The following CERS3 variants were observed in gnomAD, a reference collection of about 807,000 sequenced individuals.
CERS3 encodes ceramide synthase 3, also known as LAG1 homolog, ceramide synthase 3.
Under a neutral mutation model 50.3 loss-of-function variants are expected in CERS3, and 33 were observed. The observed-to-expected ratio is 0.66, with a 90% CI of 0.50 to 0.88. The LOEUF (loss-of-function observed/expected upper bound fraction) is 0.88. CERS3 is among the 40% of genes least tolerant of loss of function. The pLI is 0.00. For missense variants in CERS3, 470 were observed against 460.3 expected, an observed-to-expected ratio of 1.02 and a Z score of -0.19; for synonymous variants, 176 against 155.2, an observed-to-expected ratio of 1.13 and a Z score of -0.99.
At chr15:100,484,446 G>A in intron 5 of CERS3, 104 bp downstream of exon 5, 2 of 780,550 alleles carry the variant, frequency 2.6e-6, no homozygotes, top group Non-Finnish European at 2.2e-6. Flanking sequence ...GACAGAGCTG[G>A]GTCTGAACCC....
chr15:100,501,720 G>A lies in CERS3; in HGVS notation c.130C>T (p.Pro44Ser), dbSNP rs752363146. The A allele has an allele frequency of 1.2e-6, 2 of 1,613,854 alleles. No individual in the cohort carries two copies. Among genetic ancestry groups the A allele is most frequent in the Admixed American group, 3.3e-5 (2 of 60,014 alleles). Residue 44 changes from proline to serine, a missense_variant, in exon 3 of 12, where the codon CCA (proline) becomes TCA (serine). Transcript: ENST00000679737. The part of the protein sequence containing the change: ...VKPSHLYVTI[P>S]YAFLLLIIRR... ...ATAATCAGCAAGAGAAAAGCATATG[G>A]AATTGTCACGTATAAATGAGAAGGT...
intron 2 of CERS3, among the ~76,000 whole-genome samples, chr15:100,507,504 GC>G (rs2036219900): frequency 6.6e-6 from 1 of 152,234 alleles, no homozygotes; most frequent in South Asian, 2.1e-4. Flanking sequence ...CCTCACCATG[GC>G]TGCTCTCAGG....
intron 11 of CERS3, among the ~76,000 whole-genome samples, chr15:100,417,255 C>T (rs2031996438): frequency 6.6e-6 from 1 of 151,804 alleles, no homozygotes; most frequent in African/African-American, 2.4e-5. Flanking sequence ...CAGGGCGAGG[C>T]ATTGCCTCAC....
At chr15:100,470,106 G>A (rs2034915934) in intron 9 of CERS3, among the ~76,000 whole-genome samples, 1 of 152,240 alleles carries the variant, frequency 6.6e-6, no homozygotes. Context: ...GAGTGTGGTA[G>A]AAGACAGTTA....
chr15:100,410,028 A>C (rs2031356158), intron 11 of CERS3, among the ~76,000 whole-genome samples: 1 of 152,202 alleles, frequency 6.6e-6, no homozygotes, highest in Non-Finnish European at 1.5e-5. Context: ...ATTACAGAGC[A>C]TATTGCTCTT....
rs1006471995 is a variant in CERS3, at chr15:100,419,780, A to T, written c.1000-16915T>A. On this transcript the variant is annotated intron_variant, in intron 11 of 11. Transcript: ENST00000679737. ...ACTAGAACTCAGGATTAAGAATCTC[A>T]CTCCAAACCACTCAACTACATGGAA... Among the ~76,000 whole-genome samples, 3 of 146,902 alleles carry T rather than the reference A, an allele frequency of 2.0e-5. 1 individual carries two copies. Among genetic ancestry groups the T allele is most frequent in the African/African-American group, 7.6e-5 (3 of 39,676 alleles).
At chr15:100,480,293 C>T (rs987792854) in intron 5 of CERS3, among the ~76,000 whole-genome samples, 1 of 152,104 alleles carries the variant, frequency 6.6e-6, no homozygotes, top group Non-Finnish European at 1.5e-5. Context: ...GTGAAAAGAA[C>T]TGAAAATCTG....
intron 11 of CERS3, among the ~76,000 whole-genome samples, chr15:100,453,106 A>C (rs1185676042): frequency 7.0e-5 from 3 of 42,958 alleles, no homozygotes; most frequent in African/African-American, 1.6e-4. Flanking sequence ...TAAACTATTC[A>C]AAAAAAAAAA....
Position 100,401,506 on chromosome 15 carries a change from C to G in CERS3, c.*1207G>C, listed in dbSNP as rs993597902. ...TCCTCCCAGGGAGCTGGCACTGACT[C>G]TAGCACCTGCCCTTAAACATTTCTC... On this transcript the variant is annotated 3_prime_UTR_variant, in exon 12 of 12. Coordinates refer to ENST00000679737, the MANE Select transcript of CERS3 (RefSeq NM_001378789.1). The G allele has an allele frequency of 6.6e-6, 1 of 152,414 alleles. No homozygotes were observed. The highest frequency in any genetic ancestry group is 1.5e-5 in the Non-Finnish European group (1 of 68,180). The allele number at this position is 152,414 out of a possible 1,614,324, so 9.4% of individuals were successfully genotyped here.
At position 100,405,147 on chromosome 15, in the gene CERS3, A is replaced by G. The variant is rs548440552; in HGVS notation, c.1000-2282T>C. Reference sequence around the variant, plus strand: ...AAGACAGACACTATTCAGAGAATGAAAGGATAAGCTGCAAACTGGGAGATA... The same window carrying G: ...AAGACAGACACTATTCAGAGAATGAGAGGATAAGCTGCAAACTGGGAGATA... On this transcript the variant is annotated intron_variant, in intron 11 of 11. Coordinates refer to ENST00000679737, the MANE Select transcript of CERS3 (RefSeq NM_001378789.1). Among the ~76,000 whole-genome samples the G allele has an allele frequency of 2.6e-5, 4 of 152,196 alleles. No individual in the cohort carries two copies. In the East Asian group the frequency reaches 5.8e-4, roughly 22 times the overall value.
intron 11 of CERS3, among the ~76,000 whole-genome samples, chr15:100,436,968 G>T (rs1309146806): frequency 6.8e-6 from 1 of 147,044 alleles, no homozygotes; most frequent in Non-Finnish European, 1.5e-5. Context: ...TTTTGAGATG[G>T]AGTCTCACTC....
intron 11 of CERS3, among the ~76,000 whole-genome samples, chr15:100,410,143 G>A (rs1567589852): frequency 6.6e-6 from 1 of 152,184 alleles, no homozygotes; most frequent in Non-Finnish European, 1.5e-5. Context: ...ACGTTGGAAG[G>A]GGATGGTCAT....
chr15:100,510,048 CTTTAAGATAAA>C (rs2036295216), intron 2 of CERS3, among the ~76,000 whole-genome samples: 1 of 150,390 alleles, frequency 6.6e-6, no homozygotes, highest in Non-Finnish European at 1.5e-5. Flanking sequence ...AATAGTATGT[CTTTAAGATAAA>C]ACACAAAGGA....
At chr15:100,473,765 A>T (rs116731975) in intron 8 of CERS3, among the ~76,000 whole-genome samples, 1,581 of 152,318 alleles carry the variant, frequency 0.01, 26 homozygotes, top group African/African-American at 0.036. Flanking sequence ...TAGACATAGA[A>T]TTACCATATG....
intron 5 of CERS3, among the ~76,000 whole-genome samples, chr15:100,483,778 A>T (rs1391523750): frequency 0.012 from 734 of 59,020 alleles, 6 homozygotes; most frequent in Middle Eastern, 0.028. Flanking sequence ...AATAATAATT[A>T]TTATTATTAT....
chr15:100,470,666 A>T (rs1443134217), intron 9 of CERS3, among the ~76,000 whole-genome samples: 1 of 152,202 alleles, frequency 6.6e-6, no homozygotes, highest in South Asian at 2.1e-4. Flanking sequence ...TACACAGAAC[A>T]TATTCTGGAT....
At chr15:100,473,235 G>A (rs1003224432) in intron 8 of CERS3, among the ~76,000 whole-genome samples, 183 bp from the exon 9 acceptor site, 15 of 152,224 alleles carry the variant, frequency 9.9e-5, no homozygotes, top group African/African-American at 3.4e-4. Context: ...TATTCTTGTT[G>A]ATGAAATCAT....
intron 11 of CERS3, among the ~76,000 whole-genome samples, chr15:100,438,257 C>T (rs1596659893): frequency 6.6e-6 from 1 of 151,756 alleles, no homozygotes; most frequent in East Asian, 1.9e-4. Flanking sequence ...GTTGGTTAGG[C>T]TGGTTTCAAT....
Position 100,467,842 on chromosome 15 carries a change from T to TAGATAGATAG in CERS3, c.845+1535_845+1536insCTATCTATCT, listed in dbSNP as rs1374645090. ...ATATGTGTATATATATACGTGTATATATATATATATAGATAGATAGATAGA... is the reference window on the plus strand; with the variant it reads ...ATATGTGTATATATATACGTGTATATAGATAGATAGATATATATATAGATAGATAGATAGA... On this transcript the variant is annotated intron_variant, in intron 10 of 11. Coordinates refer to ENST00000679737, the MANE Select transcript of CERS3 (RefSeq NM_001378789.1). 3.9e-3 allele frequency among the ~76,000 whole-genome samples: 156 copies of TAGATAGATAG among 40,122 alleles called. 6 individuals are homozygous for TAGATAGATAG. Among genetic ancestry groups the TAGATAGATAG allele is most frequent in the African/African-American group, 8.5e-3 (133 of 15,676 alleles). 26.3% of individuals were successfully genotyped at this position (40,122 alleles called of 152,430 possible).
Sources: gnomAD v4.1 joint callset for allele counts (sites outside exome capture counted in the v4.1 genomes callset) on GRCh38, gnomAD v4.1.1 for gene constraint, MANE v1.5 for transcripts, NCBI Gene and HGNC (gene_info 2026-07-23, HGNC 2026-07-21) for gene names.